Variants in GABPB2 observed in about 807,000 individuals in gnomAD.
GABPB2 encodes the protein GA binding protein transcription factor subunit beta 2.
A neutral mutation model predicts 39.1 loss-of-function variants in GABPB2; 23 were observed. The ratio of observed to expected loss-of-function variants is 0.59; its 90% confidence interval spans 0.42 to 0.83. GABPB2 has a LOEUF of 0.83. GABPB2 is among the 40% of genes least tolerant of loss of function. The pLI, the probability that GABPB2 is intolerant of heterozygous loss-of-function variation, is 0.00. For synonymous variants in GABPB2, 184 were observed against 199.3 expected (o/e 0.92, Z 0.65); for missense variants, 467 against 541.1 (o/e 0.86, Z 1.36).
intron 5 of GABPB2, 82 bp downstream of exon 5, chr1:151,098,084 C>T (rs1377351953): frequency 1.8e-6 from 2 of 1,088,214 alleles, no homozygotes; most frequent in Non-Finnish European, 2.7e-6. Flanking sequence ...AATGGATACC[C>T]TTTCTAATAC....
chr1:151,091,465 C>CAA (rs34351787), intron 3 of GABPB2, among the ~76,000 whole-genome samples: 12 of 73,442 alleles, frequency 1.6e-4, no homozygotes, highest in Admixed American at 2.0e-4. Context: ...TCCTGTGTCT[C>CAA]AAAAAAAAAA....
Position 151,107,031 on chromosome 1 carries a change from C to A in GABPB2, c.737-6C>A, listed in dbSNP as rs879122133. 1.0e-5 allele frequency: 16 copies of A among 1,580,584 alleles called. No individual in the cohort carries two copies. On this transcript the variant is annotated splice_region_variant and splice_polypyrimidine_tract_variant and intron_variant, in intron 6 of 8. Transcript: ENST00000368918. Reference sequence around the variant, plus strand: ...GAAATTTTAAATTTGCTTTTGTCATCTCTAGCCAATACAGAGGAAATTATA... The same window carrying A: ...GAAATTTTAAATTTGCTTTTGTCATATCTAGCCAATACAGAGGAAATTATA...
intron 2 of GABPB2, among the ~76,000 whole-genome samples, chr1:151,089,436 A>G (rs973480968): frequency 2.6e-5 from 4 of 152,220 alleles, no homozygotes; most frequent in African/African-American, 9.6e-5. Flanking sequence ...GGATGCTGAT[A>G]GATAACTCTT....
chr1:151,111,850 G>A (rs1349086324), intron 7 of GABPB2: 1 of 149,856 alleles, frequency 6.7e-6, no homozygotes, highest in Non-Finnish European at 1.5e-5. Flanking sequence ...TTTCATATAT[G>A]AAGAGCTAAC....
intron 1 of GABPB2, among the ~76,000 whole-genome samples, chr1:151,086,470 C>T (rs1423323827): frequency 6.6e-6 from 1 of 152,134 alleles, no homozygotes; most frequent in Non-Finnish European, 1.5e-5. Flanking sequence ...GTTATACCCA[C>T]TGTTGGATTT....
At position 151,110,761 on chromosome 1, in the gene GABPB2, T is replaced by A. The variant is rs192696535; in HGVS notation, c.922+3539T>A. Among the ~76,000 whole-genome samples, 3 of 152,318 alleles carry A rather than the reference T, an allele frequency of 2.0e-5. No individual in the cohort carries two copies. The East Asian group carries it at 5.8e-4, about 29-fold the overall frequency. On this transcript the variant is annotated intron_variant, in intron 7 of 8. Transcript: ENST00000368918. The stretch of plus-strand genomic sequence containing the variant: ...CAGGCATGAGCCACTGTGCTCAGCC[T>A]ATACTACTTTTTACAAATATGTTTA...
chr1:151,111,411 AT>A (rs587688934), intron 7 of GABPB2, among the ~76,000 whole-genome samples: 381 of 119,572 alleles, frequency 3.2e-3, no homozygotes, highest in Non-Finnish European at 4.5e-3. Flanking sequence ...CCCCCCACTA[AT>A]TTTTTTTTTC....
intron 1 of GABPB2, among the ~76,000 whole-genome samples, chr1:151,074,308 C>T (rs1310509126): frequency 7.5e-6 from 1 of 133,826 alleles, no homozygotes; most frequent in African/African-American, 2.8e-5. Context: ...AACATGCTTC[C>T]GCTTTTTTTT....
At chr1:151,113,566 G>A (rs768193339) in intron 7 of GABPB2, among the ~76,000 whole-genome samples, 2 of 150,572 alleles carry the variant, frequency 1.3e-5, no homozygotes, top group South Asian at 2.1e-4. Context: ...ATCCTAAAAC[G>A]TAAATATAAT....
intron 4 of GABPB2, among the ~76,000 whole-genome samples, chr1:151,096,857 T>C (rs777178446): frequency 2.6e-5 from 4 of 152,206 alleles, no homozygotes; most frequent in Non-Finnish European, 5.9e-5. Flanking sequence ...TAATTAATCA[T>C]AAAATGTTAG....
intron 7 of GABPB2, among the ~76,000 whole-genome samples, chr1:151,107,505 T>C (rs1680060629): frequency 6.6e-6 from 1 of 151,904 alleles, no homozygotes. Context: ...TGGCTCTTTT[T>C]TTTTTTTTTT....
At chr1:151,081,424 G>A (rs1371700835) in intron 1 of GABPB2, among the ~76,000 whole-genome samples, 1 of 151,986 alleles carries the variant, frequency 6.6e-6, no homozygotes, top group East Asian at 1.9e-4. Context: ...TGGAGGCGGA[G>A]GTTGCAGTGA....
At position 151,093,384 on chromosome 1, in the gene GABPB2, C is replaced by G. The variant is rs1174119414; in HGVS notation, c.469C>G (p.Gln157Glu). Residue 157 changes from glutamine (Q) to glutamate (E), a missense_variant and splice_region_variant, in exon 4 of 9, where the codon CAG (glutamine) becomes GAG (glutamate). Coordinates refer to ENST00000368918, the MANE Select transcript of GABPB2 (RefSeq NM_144618.3). ...CAATGCTGAGATTTTGGTCATCCTC[C>G]AGGTGTGGTTCTTTTTATACTCTCC... ...KNNAEILVIL[Q>E]EAMQNQVNVN... is the part of the protein sequence containing the mutation. 2 of 1,584,158 alleles carry G rather than the reference C, an allele frequency of 1.3e-6. No homozygotes were observed. The highest frequency in any genetic ancestry group is 2.7e-5 in the African/African-American group (2 of 73,446).
At chr1:151,073,566 G>GT (rs372619140) in intron 1 of GABPB2, among the ~76,000 whole-genome samples, 1 of 152,020 alleles carries the variant, frequency 6.6e-6, no homozygotes, top group African/African-American at 2.4e-5. Context: ...AAAATGCTGT[G>GT]TTTTTTGTTT....
At position 151,079,765 on chromosome 1, in the gene GABPB2, A is replaced by C. The variant is rs182057014; in HGVS notation, c.1-8425A>C. 2.2e-3 allele frequency among the ~76,000 whole-genome samples: 338 copies of C among 151,864 alleles called. 1 individual carries two copies. The highest frequency in any genetic ancestry group is 3.9e-3 in the Non-Finnish European group (268 of 67,944). Reference sequence around the variant, plus strand: ...TACAAAATTAGCTGGGCATGGTGACACATGCCTGTAATACCAGCTACTCGG... The same window carrying C: ...TACAAAATTAGCTGGGCATGGTGACCCATGCCTGTAATACCAGCTACTCGG... On this transcript the variant is annotated intron_variant, in intron 1 of 8. Transcript: ENST00000368918.
At chr1:151,074,840 A>T (rs969887119) in intron 1 of GABPB2, among the ~76,000 whole-genome samples, 1 of 152,020 alleles carries the variant, frequency 6.6e-6, no homozygotes, top group African/African-American at 2.4e-5. Flanking sequence ...CTGACCTCCT[A>T]TCTCATCCTG....
intron 7 of GABPB2, among the ~76,000 whole-genome samples, chr1:151,111,705 C>T (rs1157020637): frequency 2.0e-5 from 3 of 151,054 alleles, no homozygotes; most frequent in Admixed American, 1.3e-4. Flanking sequence ...AGCCACCGCG[C>T]CCGGCCTAAT....
At chr1:151,079,227 T>G (rs767964033) in intron 1 of GABPB2, among the ~76,000 whole-genome samples, 1 of 152,062 alleles carries the variant, frequency 6.6e-6, no homozygotes, top group African/African-American at 2.4e-5. Context: ...AGTATTGATA[T>G]GTGACAGAAA....
At chr1:151,089,494 T>C (rs1409723432) in intron 2 of GABPB2, among the ~76,000 whole-genome samples, 2 of 152,170 alleles carry the variant, frequency 1.3e-5, no homozygotes, top group East Asian at 3.8e-4. Context: ...TGTTGATACA[T>C]CATTGCTAAA....
Sources: gnomAD v4.1 joint callset for allele counts (sites outside exome capture counted in the v4.1 genomes callset) on GRCh38, gnomAD v4.1.1 for gene constraint, MANE v1.5 for transcripts, NCBI Gene and HGNC (gene_info 2026-07-23, HGNC 2026-07-21) for gene names.